XPR1: variants seen among roughly 807,000 people sequenced by gnomAD.
The protein encoded by XPR1 is solute carrier family 53 member 1.
XPR1 carries 28 observed loss-of-function variants against 87.5 expected under a neutral mutation model. The ratio of observed to expected loss-of-function variants is 0.32; its 90% CI spans 0.24 to 0.44. XPR1 has a LOEUF of 0.44. XPR1 is among the 20% of genes least tolerant of loss of function. The probability of loss-of-function intolerance (pLI) is 1.00; values close to 1 mark genes in which losing one functional copy is unlikely to be tolerated. For synonymous variants in XPR1, 300 were observed against 306.1 expected (o/e 0.98, Z 0.21); for missense variants, 559 against 862.3 (o/e 0.65, Z 4.41).
chr1:180,873,720 G>A (rs12088430), intron 12 of XPR1, 83 bp from the exon 13 acceptor site: 1 of 1,483,676 alleles, frequency 6.7e-7, no homozygotes, highest in Non-Finnish European at 9.2e-7. Context: ...TGTGAGTCTT[G>A]TTTGTAGGAC....
At chr1:180,792,759 C>T (rs1649432377) in intron 3 of XPR1, among the ~76,000 whole-genome samples, 1 of 150,878 alleles carries the variant, frequency 6.6e-6, no homozygotes, top group Admixed American at 6.6e-5. Context: ...AAGGCTATAC[C>T]GTTAGAAACC....
intron 1 of XPR1, among the ~76,000 whole-genome samples, chr1:180,652,056 C>T (rs373596337): frequency 3.2e-4 from 49 of 152,226 alleles, no homozygotes; most frequent in African/African-American, 1.2e-3. Flanking sequence ...TTTTGGGAGG[C>T]CAAGGCGCGC....
intron 12 of XPR1, among the ~76,000 whole-genome samples, chr1:180,865,602 G>A (rs779388309): frequency 2.6e-4 from 40 of 151,916 alleles, no homozygotes; most frequent in Non-Finnish European, 4.6e-4. Context: ...GGGTTTCACC[G>A]TGTTAGCCAG....
chr1:180,788,996 C>T (rs1411894423), intron 3 of XPR1, among the ~76,000 whole-genome samples: 1 of 152,276 alleles, frequency 6.6e-6, no homozygotes, highest in Middle Eastern at 3.4e-3. Context: ...GCCCCTTCAA[C>T]TAGAGGCTGA....
intron 1 of XPR1, among the ~76,000 whole-genome samples, chr1:180,645,421 G>C (rs1223528722): frequency 6.6e-6 from 1 of 152,200 alleles, no homozygotes; most frequent in Non-Finnish European, 1.5e-5. Context: ...GTTTGGCTTT[G>C]AATGCAGCCA....
chr1:180,804,996 G>C (rs1649937137), intron 4 of XPR1, among the ~76,000 whole-genome samples: 1 of 152,042 alleles, frequency 6.6e-6, no homozygotes, highest in Non-Finnish European at 1.5e-5. Context: ...CTTTTGTTCG[G>C]AGTCATTATA....
intron 2 of XPR1, among the ~76,000 whole-genome samples, chr1:180,760,123 A>G (rs1475676655): frequency 1.3e-5 from 2 of 152,214 alleles, no homozygotes; most frequent in Non-Finnish European, 1.5e-5. Context: ...TCAAAATAAT[A>G]AGAGCTATCT....
chr1:180,810,557 C>T (rs564031446), intron 6 of XPR1, among the ~76,000 whole-genome samples: 3 of 151,032 alleles, frequency 2.0e-5, no homozygotes, highest in Non-Finnish European at 4.4e-5. Context: ...CCAGCCTAGG[C>T]GATAGGACGA....
intron 11 of XPR1, among the ~76,000 whole-genome samples, chr1:180,862,359 T>C (rs1652251125): frequency 6.6e-6 from 1 of 152,136 alleles, no homozygotes; most frequent in Non-Finnish European, 1.5e-5. Flanking sequence ...ACACTAGATG[T>C]AGGTAACTTG....
At chr1:180,794,204 C>A (rs866333576) in intron 3 of XPR1, among the ~76,000 whole-genome samples, 10 of 152,248 alleles carry the variant, frequency 6.6e-5, no homozygotes, top group Non-Finnish European at 1.3e-4. Flanking sequence ...GCCTGTTGCT[C>A]CTAGGCTACA....
intron 2 of XPR1, among the ~76,000 whole-genome samples, chr1:180,752,756 G>C (rs1489167093): frequency 1.3e-5 from 2 of 151,822 alleles, no homozygotes; most frequent in East Asian, 1.9e-4. Flanking sequence ...TTGAACATTT[G>C]GTTATTATTT....
chr1:180,741,073 A>G (rs1286750670), intron 2 of XPR1, among the ~76,000 whole-genome samples: 1 of 152,206 alleles, frequency 6.6e-6, no homozygotes, highest in East Asian at 1.9e-4. Context: ...TTCAATCTAT[A>G]ATACCTCCTT....
At chr1:180,689,960 A>G (rs1159884395) in intron 2 of XPR1, among the ~76,000 whole-genome samples, 1 of 152,176 alleles carries the variant, frequency 6.6e-6, no homozygotes, top group African/African-American at 2.4e-5. Flanking sequence ...GTTTGAGACC[A>G]GCCTGGACAA....
At chr1:180,862,167 C>T (rs578234893) in intron 11 of XPR1, among the ~76,000 whole-genome samples, 2 of 152,094 alleles carry the variant, frequency 1.3e-5, no homozygotes, top group South Asian at 4.1e-4. Flanking sequence ...AACACTGAAG[C>T]TCCAAGGCAA....
At chr1:180,723,847 T>C (rs182541307) in intron 2 of XPR1, among the ~76,000 whole-genome samples, 1 of 152,316 alleles carries the variant, frequency 6.6e-6, no homozygotes, top group African/African-American at 2.4e-5. Context: ...CTTGAGATAT[T>C]TGGCCGTTTC....
chr1:180,704,130 A>C (rs1174986755), intron 2 of XPR1, among the ~76,000 whole-genome samples: 1 of 151,060 alleles, frequency 6.6e-6, no homozygotes, highest in Non-Finnish European at 1.5e-5. Flanking sequence ...GCATCTTAGC[A>C]TAGTTTCTGT....
At chr1:180,813,477 A>G (rs1650300021) in intron 7 of XPR1, among the ~76,000 whole-genome samples, 1 of 152,086 alleles carries the variant, frequency 6.6e-6, no homozygotes, top group Non-Finnish European at 1.5e-5. Flanking sequence ...ATATATTTAT[A>G]TTTCTTGTGA....
At chr1:180,806,609 C>T (rs1650001719) in intron 6 of XPR1, 52 bp downstream of exon 6, 2 of 1,540,166 alleles carry the variant, frequency 1.3e-6, no homozygotes, top group East Asian at 2.3e-5. Flanking sequence ...TAATAATCAA[C>T]ACAGTATTTA....
intron 2 of XPR1, among the ~76,000 whole-genome samples, chr1:180,784,583 T>C (rs1649063345): frequency 6.6e-6 from 1 of 152,072 alleles, no homozygotes; most frequent in African/African-American, 2.4e-5. Context: ...ATTTCCTTTA[T>C]GGCTTCTGTG....
Sources: gnomAD v4.1 joint callset for allele counts (sites outside exome capture counted in the v4.1 genomes callset) on GRCh38, gnomAD v4.1.1 for gene constraint, MANE v1.5 for transcripts, NCBI Gene and HGNC (gene_info 2026-07-23, HGNC 2026-07-21) for gene names.